Variants in ADD1 observed in about 807,000 individuals in gnomAD.
ADD1 encodes the protein adducin 1, also known as alpha-adducin.
In ADD1, 24 loss-of-function variants were observed where a neutral mutation model predicts 80.5. The ratio of observed to expected loss-of-function variants is 0.30; its 90% CI spans 0.22 to 0.42. The LOEUF is 0.42. ADD1 is among the 10% of genes least tolerant of loss of function. The probability of loss-of-function intolerance (pLI) is 1.00; values close to 1 mark genes in which losing one functional copy is unlikely to be tolerated. For synonymous variants in ADD1, 373 were observed against 393.8 expected (o/e 0.95, Z 0.63); for missense variants, 948 against 1,019.0 (o/e 0.93, Z 0.95).
At chr4:2,922,583 C>T (rs1013665599) in intron 14 of ADD1, among the ~76,000 whole-genome samples, 17 of 152,198 alleles carry the variant, frequency 1.1e-4, no homozygotes, top group South Asian at 4.1e-4. Context: ...TGACCCCTGC[C>T]GGGAGGTGTC....
At position 2,904,813 on chromosome 4, in the gene ADD1, C is replaced by G; in HGVS notation, c.1211C>G (p.Ser404Cys). The G allele has an allele frequency of 6.2e-7, 1 of 1,614,164 alleles. No homozygotes were observed. The highest frequency in any genetic ancestry group is 1.1e-5 in the South Asian group (1 of 91,080). The change falls in exon 10 of 16, where the codon TCT (serine) becomes TGT (cysteine). Residue 404 changes from serine (S) to cysteine (C), a missense_variant. Physicochemically the swap from Ser to Cys is moderately radical, Grantham distance 112. Transcript: ENST00000683351. ...CGATACCCTGCTCTGAGAGAGAAGT[C>G]TAAAAAATACAGCGATGTGGAGGTT... ...PYRYPALREK[S>C]KKYSDVEVPA...
chr4:2,850,150 C>T (rs1293760898), intron 1 of ADD1, among the ~76,000 whole-genome samples: 1 of 152,216 alleles, frequency 6.6e-6, no homozygotes, highest in Non-Finnish European at 1.5e-5. Context: ...TTGAAGCACT[C>T]ATACCTGGTA....
intron 14 of ADD1, among the ~76,000 whole-genome samples, chr4:2,917,893 G>C (rs1200063636): frequency 6.6e-6 from 1 of 152,106 alleles, no homozygotes; most frequent in African/African-American, 2.4e-5. Flanking sequence ...TATCTGTTTT[G>C]GTACCAGTAC....
chr4:2,909,344 A>G lies in ADD1; in HGVS notation c.1704A>G (p.Ala568=). The G allele has an allele frequency of 1.3e-6, 2 of 1,549,916 alleles. No homozygotes were observed. The highest frequency in any genetic ancestry group is 1.7e-6 in the Non-Finnish European group (2 of 1,146,568). ...VVMDRSLVQD[A]PLSDCTETIE... ...GACTCAGTTTACTGTTTCAGGATGCACCTCTCTCTGACTGTACGGAAACTA... is the reference window on the plus strand; with the variant it reads ...GACTCAGTTTACTGTTTCAGGATGCGCCTCTCTCTGACTGTACGGAAACTA... The change falls in exon 13 of 16, where the codon GCA becomes GCG. Residue 568 remains alanine, a synonymous_variant. Transcript: ENST00000683351.
chr4:2,927,609 GC>G (rs931126140), intron 15 of ADD1, among the ~76,000 whole-genome samples: 1 of 152,206 alleles, frequency 6.6e-6, no homozygotes, highest in African/African-American at 2.4e-5. Flanking sequence ...TGGAGTTTTT[GC>G]CCCCACTCCT....
chr4:2,861,560 CAG>C (rs1728822467), intron 1 of ADD1, among the ~76,000 whole-genome samples: 1 of 152,106 alleles, frequency 6.6e-6, no homozygotes, highest in Non-Finnish European at 1.5e-5. Flanking sequence ...AGTTTGGCCT[CAG>C]GGAAGAGTTT....
At chr4:2,888,850 T>C (rs1212919761) in intron 4 of ADD1, among the ~76,000 whole-genome samples, 1 of 151,948 alleles carries the variant, frequency 6.6e-6, no homozygotes, top group African/African-American at 2.4e-5. Flanking sequence ...ACAAGTGAAA[T>C]ATGAAAAATG....
chr4:2,881,757 A>C, intron 2 of ADD1, 141 bp from the exon 3 acceptor site: 2 of 557,620 alleles, frequency 3.6e-6, no homozygotes, highest in South Asian at 6.3e-5. Flanking sequence ...TTATATTCTC[A>C]GCAGTAATGT....
rs187811658 is a variant in ADD1, at chr4:2,914,286, T to C, written c.1792-598T>C. ...CTTGGTGCTTCGCTTTCTTCTTTTT[T>C]TCTTTGGTACAAATTTTCAGAGTTT... On this transcript the variant is annotated intron_variant, in intron 13 of 15. Coordinates refer to ENST00000683351, the MANE Select transcript of ADD1 (RefSeq NM_001354761.2). Among the ~76,000 whole-genome samples, 6 of 152,364 alleles carry C rather than the reference T, an allele frequency of 3.9e-5. No homozygotes were observed. The East Asian group carries it at 7.7e-4, about 20-fold the overall frequency.
intron 14 of ADD1, among the ~76,000 whole-genome samples, chr4:2,916,868 TC>T (rs1326531641): frequency 6.6e-6 from 1 of 152,260 alleles, no homozygotes; most frequent in Non-Finnish European, 1.5e-5. Flanking sequence ...CATGAACTCA[TC>T]CTTTTTTATG....
intron 2 of ADD1, among the ~76,000 whole-genome samples, chr4:2,878,826 C>T (rs1028475469): frequency 1.7e-4 from 26 of 152,216 alleles, no homozygotes; most frequent in African/African-American, 5.8e-4. Context: ...AAAGGGATTA[C>T]AATGTAATCA....
chr4:2,878,010 A>G (rs1448016362), intron 2 of ADD1, among the ~76,000 whole-genome samples: 3 of 152,182 alleles, frequency 2.0e-5, no homozygotes, highest in Non-Finnish European at 2.9e-5. Flanking sequence ...ACCAGCTAAC[A>G]TGAAATTCCT....
intron 13 of ADD1, 37 bp downstream of exon 13, chr4:2,909,468 C>A: frequency 6.8e-7 from 1 of 1,481,040 alleles, no homozygotes; most frequent in Non-Finnish European, 9.2e-7. Context: ...TGTCTATGCG[C>A]CTTGCTCCCC....
At chr4:2,917,337 G>A (rs1739254306) in intron 14 of ADD1, among the ~76,000 whole-genome samples, 1 of 152,082 alleles carries the variant, frequency 6.6e-6, no homozygotes, top group African/African-American at 2.4e-5. Context: ...GTCTTCTTTT[G>A]AGAAGTGTCT....
At chr4:2,848,192 G>T (rs1051249432) in intron 1 of ADD1, among the ~76,000 whole-genome samples, 19 of 149,606 alleles carry the variant, frequency 1.3e-4, no homozygotes, top group Non-Finnish European at 2.4e-4. Context: ...TCCAGCCTGG[G>T]ACAGAGTGAG....
In ADD1 at chr4:2,866,041, A is replaced by C. The variant is rs189119511; in HGVS notation, c.-20-9855A>C. Among the ~76,000 whole-genome samples the C allele has an allele frequency of 1.1e-3, 166 of 152,356 alleles. 1 individual carries two copies. The highest frequency in any genetic ancestry group is 3.6e-3 in the Admixed American group (55 of 15,306). On this transcript the variant is annotated intron_variant, in intron 1 of 15. Transcript: ENST00000683351. The stretch of plus-strand genomic sequence containing the variant: ...TCAATTGCGAGATAGCATACTTATA[A>C]AATTATTTCTAGATTCACTCCTGAA...
intron 14 of ADD1, among the ~76,000 whole-genome samples, chr4:2,925,206 G>A (rs905726149): frequency 2.0e-5 from 3 of 152,174 alleles, no homozygotes; most frequent in Admixed American, 6.5e-5. Context: ...GTGGTATGGC[G>A]GCCTTTTTAT....
In ADD1 at chr4:2,918,098, A is replaced by G. The variant is rs375437534; in HGVS notation, c.1948+3058A>G. On this transcript the variant is annotated intron_variant, in intron 14 of 15. Transcript: ENST00000683351. Reference sequence around the variant, plus strand: ...GCTTGATGGGCATAGCATTGAATCTATAAATTACTTTGGGCAGTATGGCCG... The same window carrying G: ...GCTTGATGGGCATAGCATTGAATCTGTAAATTACTTTGGGCAGTATGGCCG... Among the ~76,000 whole-genome samples, 60 of 152,360 alleles carry G rather than the reference A, an allele frequency of 3.9e-4. No homozygotes were observed. The East Asian group carries it at 6.0e-3, about 15-fold the overall frequency.
intron 6 of ADD1, among the ~76,000 whole-genome samples, chr4:2,895,822 C>A (rs1735099119): frequency 6.6e-6 from 1 of 152,070 alleles, no homozygotes; most frequent in Non-Finnish European, 1.5e-5. Flanking sequence ...TTTTTATCAC[C>A]AATTTTATAT....
Sources: allele counts gnomAD v4.1 joint callset (sites outside exome capture counted in the v4.1 genomes callset), GRCh38; gene constraint gnomAD v4.1.1; transcripts MANE v1.5; gene names NCBI Gene and HGNC (gene_info 2026-07-23, HGNC 2026-07-21).